Variants in NFIA observed in about 807,000 individuals in gnomAD.
NFIA encodes nuclear factor I A.
NFIA carries 8 observed loss-of-function variants against 62.8 expected under a neutral mutation model. The observed-to-expected ratio is 0.13, with a 90% confidence interval of 0.07 to 0.23. The LOEUF (loss-of-function observed/expected upper bound fraction) is 0.23. NFIA is among the 10% of genes least tolerant of loss of function. NFIA has a pLI of 1.00. For missense variants in NFIA, 410 were observed against 642.1 expected (o/e 0.64, Z 3.91); for synonymous variants, 235 against 238.1 (o/e 0.99, Z 0.12).
chr1:61,100,952 T>TTA (rs1553150433), intron 2 of NFIA, among the ~76,000 whole-genome samples: 2 of 151,804 alleles, frequency 1.3e-5, no homozygotes, highest in African/African-American at 4.8e-5. Context: ...TTTTTTTTTT[T>TTA]ACCATAAAAT....
intron 7 of NFIA, among the ~76,000 whole-genome samples, chr1:61,398,177 G>C (rs1195926175): frequency 6.6e-6 from 1 of 152,244 alleles, no homozygotes; most frequent in Non-Finnish European, 1.5e-5. Context: ...GTCTGTGACT[G>C]CTTCTGCACT....
At chr1:61,237,657 C>T (rs1261562256) in intron 2 of NFIA, among the ~76,000 whole-genome samples, 1 of 152,136 alleles carries the variant, frequency 6.6e-6, no homozygotes, top group Non-Finnish European at 1.5e-5. Flanking sequence ...CCTCTCCCAT[C>T]ATTGTTTTCA....
chr1:61,246,409 A>G (rs17311684), intron 2 of NFIA, among the ~76,000 whole-genome samples: 6,868 of 152,232 alleles, frequency 0.045, 225 homozygotes, highest in Non-Finnish European at 0.064. Flanking sequence ...CTTAAAATGC[A>G]ACTCTTGATA....
intron 2 of NFIA, among the ~76,000 whole-genome samples, chr1:61,159,369 CT>C (rs1649023646): frequency 6.6e-6 from 1 of 152,122 alleles, no homozygotes; most frequent in South Asian, 2.1e-4. Flanking sequence ...TACCCCAATG[CT>C]TTTCAAACTT....
intron 2 of NFIA, among the ~76,000 whole-genome samples, chr1:61,221,132 A>G (rs1653989345): frequency 6.6e-6 from 1 of 152,204 alleles, no homozygotes; most frequent in Admixed American, 6.5e-5. Context: ...ATAATATCTG[A>G]AGATTGGCAA....
chr1:61,203,479 G>A (rs1652665284), intron 2 of NFIA, among the ~76,000 whole-genome samples: 1 of 151,984 alleles, frequency 6.6e-6, no homozygotes, highest in Admixed American at 6.6e-5. Context: ...CTGTTTTTCT[G>A]CCTGGGTTGC....
chr1:61,406,384 A>G (rs1665819810), intron 8 of NFIA, among the ~76,000 whole-genome samples, 178 bp from the exon 9 acceptor site: 1 of 152,182 alleles, frequency 6.6e-6, no homozygotes, highest in Non-Finnish European at 1.5e-5. Flanking sequence ...TGCCTTAAGA[A>G]CAGAACCCAA....
At chr1:61,427,312 T>A (rs1006693966) in intron 10 of NFIA, among the ~76,000 whole-genome samples, 2 of 152,218 alleles carry the variant, frequency 1.3e-5, no homozygotes, top group Non-Finnish European at 2.9e-5. Flanking sequence ...AAAGTTAGTA[T>A]AGGTAGAGGC....
chr1:61,292,186 A>T (rs1658928989), intron 3 of NFIA, among the ~76,000 whole-genome samples: 1 of 152,124 alleles, frequency 6.6e-6, no homozygotes. Context: ...CTACAGTATA[A>T]ATGGAAGCTC....
intron 2 of NFIA, among the ~76,000 whole-genome samples, chr1:61,200,006 ATATG>A (rs1652315470): frequency 1.5e-5 from 1 of 66,928 alleles, no homozygotes; most frequent in African/African-American, 5.8e-5. Context: ...CAAAATATAT[ATATG>A]TATATATATA....
At chr1:61,388,153 T>C (rs191618669) in intron 7 of NFIA, among the ~76,000 whole-genome samples, 11 of 152,314 alleles carry the variant, frequency 7.2e-5, no homozygotes, top group African/African-American at 2.6e-4. Context: ...TCTGTGTGGT[T>C]AGAATTAGGT....
intron 2 of NFIA, among the ~76,000 whole-genome samples, chr1:61,257,337 T>TTG (rs1656468514): frequency 7.6e-6 from 1 of 131,256 alleles, no homozygotes; most frequent in Non-Finnish European, 1.6e-5. Flanking sequence ...TTGTTTTTTT[T>TTG]TTTTTTTTTT....
intron 2 of NFIA, among the ~76,000 whole-genome samples, chr1:61,140,477 T>C (rs1052586647): frequency 2.0e-5 from 3 of 152,126 alleles, no homozygotes; most frequent in African/African-American, 7.2e-5. Context: ...AGAGTAGACC[T>C]GTATTGTTCC....
At chr1:61,348,424 C>T (rs562898233) in intron 4 of NFIA, among the ~76,000 whole-genome samples, 1 of 152,338 alleles carries the variant, frequency 6.6e-6, no homozygotes, top group Admixed American at 6.5e-5. Context: ...GTTTGCCAAG[C>T]TCTCAAGTTA....
rs757581223 is a variant in NFIA, at chr1:61,172,597, T to C, written c.559+83917T>C. Among the ~76,000 whole-genome samples, 145 of 152,342 alleles carry C rather than the reference T, an allele frequency of 9.5e-4. No individual in the cohort carries two copies. In the Middle Eastern group the frequency reaches 0.02, roughly 21 times the overall value. ...AACAAGCAGACACCTCCTTTGTTTT[T>C]CCATCTTGCCCCAAGCCCTGTGTTC... On this transcript the variant is annotated intron_variant, in intron 2 of 10. Transcript: ENST00000403491.
intron 6 of NFIA, among the ~76,000 whole-genome samples, chr1:61,375,166 G>T (rs147585112): frequency 1.3e-5 from 2 of 152,214 alleles, no homozygotes; most frequent in Non-Finnish European, 2.9e-5. Context: ...GTTCCTGCCT[G>T]TGGGGGAATT....
At chr1:61,358,281 T>C (rs554922247) in intron 5 of NFIA, among the ~76,000 whole-genome samples, 41 of 151,986 alleles carry the variant, frequency 2.7e-4, no homozygotes, top group African/African-American at 9.6e-4. Flanking sequence ...GCAGTAAATG[T>C]TTTTTTGAAT....
intron 2 of NFIA, among the ~76,000 whole-genome samples, chr1:61,252,109 A>G (rs556860336): frequency 1.1e-4 from 16 of 152,288 alleles, no homozygotes; most frequent in African/African-American, 2.9e-4. Context: ...TCAAACATCA[A>G]TTCCTACTCA....
At chr1:61,280,602 G>A (rs1421917328) in intron 3 of NFIA, among the ~76,000 whole-genome samples, 4 of 152,270 alleles carry the variant, frequency 2.6e-5, no homozygotes, top group Non-Finnish European at 2.9e-5. Flanking sequence ...ATCCCAAACC[G>A]TAAACTGGGC....
Sources: gnomAD v4.1 joint callset for allele counts (sites outside exome capture counted in the v4.1 genomes callset) on GRCh38, gnomAD v4.1.1 for gene constraint, MANE v1.5 for transcripts, NCBI Gene and HGNC (gene_info 2026-07-23, HGNC 2026-07-21) for gene names.